The following BRMS1L variants were observed in gnomAD, a reference collection of about 807,000 sequenced individuals.
The protein encoded by BRMS1L is BRMS1 like transcriptional repressor.
A neutral mutation model predicts 50.3 loss-of-function variants in BRMS1L; 23 were observed. The ratio of observed to expected loss-of-function variants is 0.46; its 90% CI spans 0.33 to 0.65. The LOEUF (loss-of-function observed/expected upper bound fraction) is 0.65. Ranked by LOEUF, BRMS1L falls within the 30% of genes least tolerant of loss-of-function variation. BRMS1L has a pLI of 0.02. For synonymous variants in BRMS1L, 114 were observed against 126.9 expected (o/e 0.90, Z 0.69); for missense variants, 286 against 386.1 (o/e 0.74, Z 2.17).
chr14:35,861,966 G>C (rs1157827999), intron 4 of BRMS1L, among the ~76,000 whole-genome samples: 1 of 152,120 alleles, frequency 6.6e-6, no homozygotes, highest in African/African-American at 2.4e-5. Flanking sequence ...ATGGACTAGA[G>C]CTAGTAGACC....
Position 35,864,066 on chromosome 14 carries a change from A to G in BRMS1L, c.622+113A>G. 3 of 795,750 alleles carry G rather than the reference A, an allele frequency of 3.8e-6. No homozygotes were observed. In the South Asian group the frequency reaches 5.2e-5, roughly 14 times the overall value. The allele number at this position is 795,750 out of a possible 1,614,324, so 49.3% of individuals were successfully genotyped here. On this transcript the variant is annotated intron_variant, in intron 6 of 9. Transcript: ENST00000216807. The stretch of plus-strand genomic sequence containing the variant: ...GACTTTATTTGCATGATCCTGTAAT[A>G]AGCAAAAGATGATTTATTTATAAAA...
intron 1 of BRMS1L, among the ~76,000 whole-genome samples, chr14:35,828,511 G>T (rs1357318016): frequency 2.8e-5 from 3 of 109,070 alleles, no homozygotes; most frequent in Admixed American, 9.7e-5. Context: ...TTTGCTCTTG[G>T]CACCCAGGCT....
At chr14:35,851,914 T>A (rs2078216606) in intron 4 of BRMS1L, among the ~76,000 whole-genome samples, 2 of 152,370 alleles carry the variant, frequency 1.3e-5, no homozygotes, top group African/African-American at 4.8e-5. Context: ...CCGTTGTGTA[T>A]TCTTGGCACC....
intron 4 of BRMS1L, among the ~76,000 whole-genome samples, chr14:35,852,869 T>C (rs2078229361): frequency 6.6e-6 from 1 of 152,012 alleles, no homozygotes; most frequent in South Asian, 2.1e-4. Context: ...AGGCGAAGCT[T>C]GCAGTGAGCC....
At chr14:35,840,421 T>G (rs2078047648) in intron 4 of BRMS1L, among the ~76,000 whole-genome samples, 1 of 152,216 alleles carries the variant, frequency 6.6e-6, no homozygotes, top group African/African-American at 2.4e-5. Flanking sequence ...TTTCTATTGT[T>G]TAGAATAGTT....
At chr14:35,866,818 C>G (rs563167779) in intron 8 of BRMS1L, among the ~76,000 whole-genome samples, 1 of 152,316 alleles carries the variant, frequency 6.6e-6, no homozygotes, top group Admixed American at 6.5e-5. Context: ...CTGCCTAGAC[C>G]TGTAGAGCAG....
At chr14:35,838,895 T>G (rs1252431762) in intron 4 of BRMS1L, among the ~76,000 whole-genome samples, 1 of 152,228 alleles carries the variant, frequency 6.6e-6, no homozygotes, top group Non-Finnish European at 1.5e-5. Context: ...TTTGTCAATT[T>G]TGGCTTTTGT....
At chr14:35,859,205 A>G (rs772485281) in intron 4 of BRMS1L, among the ~76,000 whole-genome samples, 3 of 152,056 alleles carry the variant, frequency 2.0e-5, no homozygotes, top group Non-Finnish European at 2.9e-5. Context: ...CAGCCTCCCA[A>G]AGTGCTGGGA....
At chr14:35,844,116 G>A (rs1452156818) in intron 4 of BRMS1L, among the ~76,000 whole-genome samples, 1 of 152,194 alleles carries the variant, frequency 6.6e-6, no homozygotes, top group Non-Finnish European at 1.5e-5. Context: ...ATCTTAGCTT[G>A]CTGGGCTTCA....
At chr14:35,844,267 G>T (rs775039631) in intron 4 of BRMS1L, among the ~76,000 whole-genome samples, 2 of 152,144 alleles carry the variant, frequency 1.3e-5, no homozygotes, top group African/African-American at 2.4e-5. Context: ...CCCGGTGTCT[G>T]CCCAAAAGGC....
intron 4 of BRMS1L, among the ~76,000 whole-genome samples, chr14:35,857,301 G>GTA (rs35853963): frequency 0.026 from 3,792 of 147,418 alleles, 142 homozygotes; most frequent in African/African-American, 0.076. Flanking sequence ...GTGTGTGTGT[G>GTA]TATATATATA....
chr14:35,846,616 C>T (rs1049592062), intron 4 of BRMS1L, among the ~76,000 whole-genome samples: 13 of 152,128 alleles, frequency 8.5e-5, no homozygotes, highest in African/African-American at 3.1e-4. Flanking sequence ...TCAGGTTTTG[C>T]AACTGGCAGA....
At chr14:35,868,680 G>GGA (rs2078451171) in intron 9 of BRMS1L, among the ~76,000 whole-genome samples, 1 of 152,108 alleles carries the variant, frequency 6.6e-6, no homozygotes, top group African/African-American at 2.4e-5. Flanking sequence ...TGCTTGGGCA[G>GGA]GAGGATCGCT....
At chr14:35,845,702 G>A (rs759818908) in intron 4 of BRMS1L, among the ~76,000 whole-genome samples, 6 of 152,052 alleles carry the variant, frequency 3.9e-5, no homozygotes, top group African/African-American at 7.2e-5. Context: ...CAGTAGTTCC[G>A]TGAGTGTTTT....
At chr14:35,863,809 T>C in intron 5 of BRMS1L, 61 bp from the exon 6 acceptor site, 1 of 1,454,116 alleles carries the variant, frequency 6.9e-7, no homozygotes, top group Non-Finnish European at 9.4e-7. Context: ...AAAATTAGAG[T>C]CTTTTTTCCT....
In BRMS1L at chr14:35,826,544, A is replaced by G. The variant is rs1344895949; in HGVS notation, c.28A>G (p.Lys10Glu). The change falls in exon 1 of 10, where the codon AAG becomes GAG. Residue 10 changes from lysine to glutamate, a missense_variant. Physicochemically the swap from Lys to Glu is moderately conservative, Grantham distance 56. This residue lies in a region of BRMS1L where 66 missense variants were observed against 67.8 expected (regional missense o/e 0.97). Coordinates refer to ENST00000216807, the MANE Select transcript of BRMS1L (RefSeq NM_032352.4). MPVHSRGDKKETNHHDEMEV... is the reference protein window; with the variant it reads MPVHSRGDKEETNHHDEMEV... ...GCCAGTCCATTCCCGAGGGGATAAGAAGGAGACCAACCATCACGATGAGAT... is the reference window on the plus strand; with the variant it reads ...GCCAGTCCATTCCCGAGGGGATAAGGAGGAGACCAACCATCACGATGAGAT... 1 of 1,600,058 alleles carries G rather than the reference A, an allele frequency of 6.2e-7. No individual in the cohort carries two copies. The highest frequency in any genetic ancestry group is 1.8e-5 in the Admixed American group (1 of 57,122).
chr14:35,854,625 C>G (rs185964623), intron 4 of BRMS1L, among the ~76,000 whole-genome samples: 31 of 152,332 alleles, frequency 2.0e-4, no homozygotes, highest in African/African-American at 7.2e-4. Context: ...CTTCCTTCTT[C>G]CAGAACTCCA....
At chr14:35,845,713 G>A (rs2078124712) in intron 4 of BRMS1L, among the ~76,000 whole-genome samples, 1 of 152,110 alleles carries the variant, frequency 6.6e-6, no homozygotes, top group East Asian at 1.9e-4. Flanking sequence ...TGAGTGTTTT[G>A]TACATCTTGT....
chr14:35,833,582 T>C (rs2077953834), intron 3 of BRMS1L, among the ~76,000 whole-genome samples: 1 of 152,166 alleles, frequency 6.6e-6, no homozygotes, highest in Non-Finnish European at 1.5e-5. Context: ...TCCTTTTTAC[T>C]TTGATAAGTT....
Sources: allele counts gnomAD v4.1 joint callset (sites outside exome capture counted in the v4.1 genomes callset), GRCh38; gene constraint gnomAD v4.1.1; regional missense constraint gnomAD v4.1.1; transcripts MANE v1.5; gene names NCBI Gene and HGNC (gene_info 2026-07-23, HGNC 2026-07-21).